The following CYP7A1 variants were observed in gnomAD, a reference collection of about 807,000 sequenced individuals.
CYP7A1 encodes cytochrome P450 7A1.
CYP7A1 carries 28 observed loss-of-function variants against 43.8 expected under a neutral mutation model. That is an observed-to-expected ratio of 0.64 (90% CI 0.47 to 0.88). The LOEUF (loss-of-function observed/expected upper bound fraction) is 0.88. Among genes scored for constraint, CYP7A1 ranks in the 40% least tolerant of loss-of-function variants. The probability of loss-of-function intolerance (pLI) is 0.00; values close to 1 mark genes in which losing one functional copy is unlikely to be tolerated. For synonymous variants in CYP7A1, 227 were observed against 222.5 expected, an observed-to-expected ratio of 1.02 and a Z score of -0.18; for missense variants, 637 against 611.9, an observed-to-expected ratio of 1.04 and a Z score of -0.43.
At chr8:58,495,144 AT>A (rs1229319518) in intron 3 of CYP7A1, among the ~76,000 whole-genome samples, 2 of 151,572 alleles carry the variant, frequency 1.3e-5, no homozygotes, top group South Asian at 2.1e-4. Context: ...GAAAAAAAAA[AT>A]AATAATAATA....
At chr8:58,499,951 A>G in intron 1 of CYP7A1, 68 bp downstream of exon 1, 1 of 1,293,930 alleles carries the variant, frequency 7.7e-7, no homozygotes, top group Non-Finnish European at 1.1e-6. Context: ...AATTTACTGT[A>G]TAAAAATGAA....
intron 3 of CYP7A1, among the ~76,000 whole-genome samples, chr8:58,496,099 C>T (rs1809438849): frequency 1.3e-5 from 2 of 152,178 alleles, no homozygotes; most frequent in Admixed American, 1.3e-4. Flanking sequence ...TCATAGCTCT[C>T]ATAGTTGGTC....
intron 2 of CYP7A1, among the ~76,000 whole-genome samples, chr8:58,497,494 T>C (rs947905031): frequency 3.9e-5 from 6 of 152,198 alleles, no homozygotes; most frequent in African/African-American, 1.2e-4. Flanking sequence ...TCATTAGTTA[T>C]CTTTTATATT....
intron 2 of CYP7A1, 127 bp downstream of exon 2, chr8:58,498,102 T>C: frequency 9.7e-7 from 1 of 1,029,564 alleles, no homozygotes; most frequent in Non-Finnish European, 1.4e-6. Context: ...TCTAAGAATC[T>C]CCACATAAGG....
At position 58,491,422 on chromosome 8, in the gene CYP7A1, G is replaced by A. The variant is rs1809348462; in HGVS notation, c.*53C>T. The stretch of plus-strand genomic sequence containing the variant: ...TGTCCAAAGGGACTGTGTGGTGAGG[G>A]TGTTCTGCAGTCCTGTAATATCATC... On this transcript the variant is annotated 3_prime_UTR_variant, in exon 6 of 6. Coordinates refer to ENST00000301645, the MANE Select transcript of CYP7A1 (RefSeq NM_000780.4). 3 of 1,489,648 alleles carry A rather than the reference G, an allele frequency of 2.0e-6. No individual in the cohort carries two copies. The highest frequency in any genetic ancestry group is 1.1e-5 in the South Asian group (1 of 87,464). The allele number at this position is 1,489,648 out of a possible 1,614,324, so 92.3% of individuals were successfully genotyped here. A position where few individuals can be genotyped will look rare whatever the true frequency, so the allele number is the denominator to read the frequency against.
intron 4 of CYP7A1, 85 bp from the exon 5 acceptor site, chr8:58,492,613 CATATGAT>C: frequency 8.9e-7 from 1 of 1,127,002 alleles, no homozygotes; most frequent in Non-Finnish European, 1.3e-6. Context: ...GTTTGAAGGT[CATATGAT>C]ATAGAGTCTG....
chr8:58,492,242 C>A, intron 5 of CYP7A1, 111 bp downstream of exon 5: 2 of 1,032,120 alleles, frequency 1.9e-6, no homozygotes, highest in Non-Finnish European at 3.1e-6. Context: ...ATTAAGCAGA[C>A]AATTCCTGTG....
intron 4 of CYP7A1, 94 bp from the exon 5 acceptor site, chr8:58,492,622 TAG>T: frequency 3.0e-6 from 3 of 1,011,558 alleles, no homozygotes; most frequent in Non-Finnish European, 4.5e-6. Flanking sequence ...TCATATGATA[TAG>T]AGTCTGAACT....
chr8:58,494,420 TTCG>T, intron 4 of CYP7A1, 83 bp downstream of exon 4: 1 of 1,423,868 alleles, frequency 7.0e-7, no homozygotes, highest in Non-Finnish European at 9.9e-7. Context: ...ATGCCTAGAA[TTCG>T]GTAAGTATAT....
chr8:58,497,955 G>A (rs552668719), intron 2 of CYP7A1, among the ~76,000 whole-genome samples: 6 of 152,202 alleles, frequency 3.9e-5, no homozygotes, highest in East Asian at 3.9e-4. Flanking sequence ...TATCTTATTC[G>A]TACAGTGCCA....
intron 2 of CYP7A1, 136 bp from the exon 3 acceptor site, chr8:58,497,326 C>A: frequency 1.3e-6 from 1 of 764,658 alleles, no homozygotes; most frequent in South Asian, 1.5e-5. Context: ...TGTACAAGTT[C>A]ATAGCACTTT....
chr8:58,496,628 A>G lies in CYP7A1; in HGVS notation c.884T>C (p.Phe295Ser), dbSNP rs760487952. ...CCTAATCATTTGAAATAAACTCCAG[A>G]AAGTCGCTGGAATGGTGTTTGCTTG... The part of the protein sequence containing the change: ...ASQANTIPAT[F>S]WSLFQMIRNP... The change falls in exon 3 of 6, where the codon TTC becomes TCC. Residue 295 changes from phenylalanine (F) to serine (S), a missense_variant. By Grantham distance (155) the Phe-to-Ser change is radical (BLOSUM62 -2). Coordinates refer to ENST00000301645, the MANE Select transcript of CYP7A1 (RefSeq NM_000780.4). 5.4e-5 allele frequency: 87 copies of G among 1,613,900 alleles called. No homozygotes were observed. The highest frequency in any genetic ancestry group is 7.4e-5 in the Non-Finnish European group (87 of 1,179,898).
Position 58,494,557 on chromosome 8 carries a change from C to T in CYP7A1, c.988G>A (p.Gly330Ser), listed in dbSNP as rs1199690733. The T allele has an allele frequency of 1.9e-6, 3 of 1,613,984 alleles. No homozygotes were observed. Among genetic ancestry groups the T allele is most frequent in the Admixed American group, 3.3e-5 (2 of 60,010 alleles). The change falls in exon 4 of 6, where the codon GGC becomes AGC. Residue 330 changes from glycine to serine, a missense_variant. Coordinates refer to ENST00000301645, the MANE Select transcript of CYP7A1 (RefSeq NM_000780.4). The part of the protein sequence containing the change: ...ENAGQKVSLE[G>S]NPICLSQAEL... ...GCTTGACTCAAACAAATAGGATTGC[C>T]TTCCAAGCTGACTTTTTGACCAGCA...
At position 58,491,555 on chromosome 8, in the gene CYP7A1, A is replaced by G; in HGVS notation, c.1435T>C (p.Leu479=). 6.2e-7 allele frequency: 1 copy of G among 1,614,222 alleles called. No homozygotes were observed. The highest frequency in any genetic ancestry group is 1.1e-5 in the South Asian group (1 of 91,084). ...CCCAAGCCTGCCCGGGACTGGTCCA[A>G]AGGTGGACATTTAGCTTGGCCCTCT... ...LIEGQAKCPP[L]DQSRAGLGIL... Residue 479 remains leucine (L), a synonymous_variant, in exon 6 of 6, where the codon TTG becomes CTG. Coordinates refer to ENST00000301645, the MANE Select transcript of CYP7A1 (RefSeq NM_000780.4).
rs1809455622 is a variant in CYP7A1 at position 58,497,036 on chromosome 8, G to A, written c.476C>T (p.Ser159Phe). 7.5e-6 allele frequency: 12 copies of A among 1,608,702 alleles called. No homozygotes were observed. The highest frequency in any genetic ancestry group is 1.3e-5 in the African/African-American group (1 of 74,924). Reference sequence around the variant, plus strand: ...CACCCAGGCAGCGGTCTTTGAGTTAGAGGAGACTGGAGGTCTCATGATACG... The same window carrying A: ...CACCCAGGCAGCGGTCTTTGAGTTAAAGGAGACTGGAGGTCTCATGATACG... ...LQRIMRPPVSSNSKTAAWVTE... is the reference protein window; with the variant it reads ...LQRIMRPPVSFNSKTAAWVTE... The change falls in exon 3 of 6, where the codon TCT becomes TTT. Residue 159 changes from serine (S) to phenylalanine (F), a missense_variant. By Grantham distance (155) the Ser-to-Phe change is radical. Coordinates refer to ENST00000301645, the MANE Select transcript of CYP7A1 (RefSeq NM_000780.4).
Position 58,492,494 on chromosome 8 carries a change from A to C in CYP7A1, c.1074T>G (p.Ser358Arg), listed in dbSNP as rs1440463845. The C allele has an allele frequency of 1.2e-6, 2 of 1,614,096 alleles. No individual in the cohort carries two copies. The highest frequency in any genetic ancestry group is 3.3e-5 in the Admixed American group (2 of 60,024). The change falls in exon 5 of 6, where the codon AGT (serine) becomes AGG (arginine). Residue 358 changes from serine (S) to arginine (R), a missense_variant. Physicochemically the swap from Ser to Arg is moderately radical, Grantham distance 110 (BLOSUM62 -1). Coordinates refer to ENST00000301645, the MANE Select transcript of CYP7A1 (RefSeq NM_000780.4). ...TAGCTGTCCGGATGTTGAGGGAGGCACTGGAAAGCCTCAGCGATTCCTTGA... is the reference window on the plus strand; with the variant it reads ...TAGCTGTCCGGATGTTGAGGGAGGCCCTGGAAAGCCTCAGCGATTCCTTGA... Reference protein sequence around the residue: ...SIIKESLRLSSASLNIRTAKE... With the variant: ...SIIKESLRLSRASLNIRTAKE...
chr8:58,498,024 C>G (rs1159637528), intron 2 of CYP7A1, among the ~76,000 whole-genome samples: 1 of 152,180 alleles, frequency 6.6e-6, no homozygotes, highest in Non-Finnish European at 1.5e-5. Context: ...CAACAAATGA[C>G]AAATCTATAC....
Position 58,491,123 on chromosome 8 carries a change from C to T in CYP7A1, c.*352G>A, listed in dbSNP as rs545931947. 2 of 259,462 alleles carry T rather than the reference C, an allele frequency of 7.7e-6. No homozygotes were observed. Among genetic ancestry groups the T allele is most frequent in the East Asian group, 8.7e-5 (1 of 11,558 alleles). 16.1% of individuals were successfully genotyped at this position (259,462 alleles called of 1,614,324 possible). A position where few individuals can be genotyped will look rare whatever the true frequency, so the allele number is the denominator to read the frequency against. On this transcript the variant is annotated 3_prime_UTR_variant, in exon 6 of 6. Coordinates refer to ENST00000301645, the MANE Select transcript of CYP7A1 (RefSeq NM_000780.4). The stretch of plus-strand genomic sequence containing the variant: ...TAGCTAAGACTACAGGTGCCTGCTA[C>T]CACACCTGGCTGTAATGTGTATCTT...
chr8:58,490,543 A>T lies in CYP7A1; in HGVS notation c.*932T>A, dbSNP rs1400780344. 1 of 152,256 alleles carries T rather than the reference A, an allele frequency of 6.6e-6. No individual in the cohort carries two copies. Among genetic ancestry groups the T allele is most frequent in the Non-Finnish European group, 1.5e-5 (1 of 68,046 alleles). 9.4% of individuals were successfully genotyped at this position (152,256 alleles called of 1,614,324 possible). A position where few individuals can be genotyped will look rare whatever the true frequency, so the allele number is the denominator to read the frequency against. Reference sequence around the variant, plus strand: ...TTAACTTTAAAACATATCACATAAAAGCTACATTTTTTCAGTGATAATGTG... The same window carrying T: ...TTAACTTTAAAACATATCACATAAATGCTACATTTTTTCAGTGATAATGTG... On this transcript the variant is annotated 3_prime_UTR_variant, in exon 6 of 6. Coordinates refer to ENST00000301645, the MANE Select transcript of CYP7A1 (RefSeq NM_000780.4).
Sources: gnomAD v4.1 joint callset for allele counts (sites outside exome capture counted in the v4.1 genomes callset) on GRCh38, gnomAD v4.1.1 for gene constraint, MANE v1.5 for transcripts, NCBI Gene and HGNC (gene_info 2026-07-23, HGNC 2026-07-21) for gene names.